RNF19A: variants seen among roughly 807,000 people sequenced by gnomAD.
The protein encoded by RNF19A is E3 ubiquitin-protein ligase RNF19A.
A neutral mutation model predicts 75.7 loss-of-function variants in RNF19A; 32 were observed. The observed-to-expected ratio is 0.42, with a 90% CI of 0.32 to 0.57. The LOEUF (loss-of-function observed/expected upper bound fraction) is 0.57, where lower values mean the gene tolerates loss of function less well. Ranked by LOEUF, RNF19A falls within the 20% of genes least tolerant of loss-of-function variation. The pLI, the probability that RNF19A is intolerant of heterozygous loss-of-function variation, is 0.10. For synonymous variants in RNF19A, 335 were observed against 345.2 expected, an observed-to-expected ratio of 0.97 and a Z score of 0.33; for missense variants, 782 against 1,036.3, an observed-to-expected ratio of 0.75 and a Z score of 3.37.
intron 7 of RNF19A, among the ~76,000 whole-genome samples, chr8:100,263,399 T>C (rs540326244): frequency 6.6e-6 from 1 of 152,296 alleles, no homozygotes; most frequent in East Asian, 1.9e-4. Context: ...GTGACTCTGC[T>C]TCAGTGAATA....
chr8:100,258,435 T>C lies in RNF19A; in HGVS notation c.*121A>G, dbSNP rs1409181687. The C allele has an allele frequency of 1.3e-6, 1 of 743,284 alleles. No homozygotes were observed. The highest frequency in any genetic ancestry group is 2.2e-6 in the Non-Finnish European group (1 of 452,476). The allele number at this position is 743,284 out of a possible 1,614,324, so 46.0% of individuals were successfully genotyped here. ...TGCCTTGCTGAACACAGAAAATGTA[T>C]CTGCATTATGATAATGAAACCCGGC... On this transcript the variant is annotated 3_prime_UTR_variant, in exon 10 of 10. Coordinates refer to ENST00000341084, the MANE Select transcript of RNF19A (RefSeq NM_183419.4). The surrounding 1 kb of genome is among the most constrained non-coding windows in gnomAD (Gnocchi z 4.3).
At chr8:100,272,577 G>A (rs1050773186) in intron 3 of RNF19A, among the ~76,000 whole-genome samples, 5 of 149,782 alleles carry the variant, frequency 3.3e-5, no homozygotes, top group South Asian at 2.1e-4. Context: ...TTGTTCTGTC[G>A]CTCAGGCTAG....
At chr8:100,285,876 G>C (rs1188948016) in intron 2 of RNF19A, among the ~76,000 whole-genome samples, 1 of 151,728 alleles carries the variant, frequency 6.6e-6, no homozygotes, top group Admixed American at 6.6e-5. Flanking sequence ...ATGAAGGATA[G>C]ACAGAAAAAT....
chr8:100,293,704 C>T (rs780106006), intron 1 of RNF19A, among the ~76,000 whole-genome samples: 1 of 152,204 alleles, frequency 6.6e-6, no homozygotes, highest in Non-Finnish European at 1.5e-5. Flanking sequence ...CTGTCTCTCT[C>T]TCTCTTCCCA....
At position 100,279,809 on chromosome 8, in the gene RNF19A, G is replaced by A. The variant is rs112849802; in HGVS notation, c.675-4648C>T. 2.4e-4 allele frequency among the ~76,000 whole-genome samples: 36 copies of A among 152,190 alleles called. 2 individuals carry two copies. The highest frequency in any genetic ancestry group is 8.4e-4 in the African/African-American group (35 of 41,518). On this transcript the variant is annotated intron_variant, in intron 2 of 9. Coordinates refer to ENST00000341084, the MANE Select transcript of RNF19A (RefSeq NM_183419.4). The stretch of plus-strand genomic sequence containing the variant: ...CCCAAAGTGCTGGAATTACAAGTGT[G>A]AGCCACCACACCCAGCCTCAATTTT...
Position 100,275,263 on chromosome 8 carries a change from T to C in RNF19A, c.675-102A>G. The stretch of plus-strand genomic sequence containing the variant: ...GATTATTCCTGAAAAACATTTTCTA[T>C]TTATACATTAGCAAACAGTCATAAG... On this transcript the variant is annotated intron_variant, in intron 2 of 9. Coordinates refer to ENST00000341084, the MANE Select transcript of RNF19A (RefSeq NM_183419.4). This position sits in a 1 kb window ranked among gnomAD's most constrained non-coding sequence, Gnocchi z 4.3. 3.1e-6 allele frequency: 3 copies of C among 961,542 alleles called. No individual in the cohort carries two copies. The South Asian group carries it at 4.7e-5, about 15-fold the overall frequency. 59.6% of individuals were successfully genotyped at this position (961,542 alleles called of 1,614,324 possible).
At chr8:100,299,035 G>C (rs1445726335) in intron 1 of RNF19A, among the ~76,000 whole-genome samples, 2 of 152,148 alleles carry the variant, frequency 1.3e-5, no homozygotes, top group Non-Finnish European at 2.9e-5. Flanking sequence ...GCTGAAGAGA[G>C]ACTAATTTGA....
intron 1 of RNF19A, among the ~76,000 whole-genome samples, chr8:100,300,269 A>G (rs1660346): frequency 0.32 from 49,214 of 152,160 alleles, 8,630 homozygotes; most frequent in East Asian, 0.41. Context: ...TTTTCTAAAG[A>G]CAGAAAAATC....
At chr8:100,270,588 T>A (rs1039096955) in intron 3 of RNF19A, among the ~76,000 whole-genome samples, 1 of 152,096 alleles carries the variant, frequency 6.6e-6, no homozygotes, top group African/African-American at 2.4e-5. Context: ...CTTTTCCCAG[T>A]ATTTTACTTC....
intron 1 of RNF19A, among the ~76,000 whole-genome samples, chr8:100,302,406 C>T (rs908259611): frequency 6.6e-6 from 1 of 152,162 alleles, no homozygotes; most frequent in Admixed American, 6.5e-5. Flanking sequence ...CTGCTATCAA[C>T]TGAAATGGGG....
chr8:100,257,763 A>G lies in RNF19A; in HGVS notation c.*793T>C, dbSNP rs1032326028. The G allele has an allele frequency of 5.6e-6, 2 of 360,060 alleles. No individual in the cohort carries two copies. The highest frequency in any genetic ancestry group is 9.9e-6 in the Non-Finnish European group (2 of 202,164). The allele number at this position is 360,060 out of a possible 1,614,324, so 22.3% of individuals were successfully genotyped here. A position where few individuals can be genotyped will look rare whatever the true frequency, so the allele number is the denominator to read the frequency against. On this transcript the variant is annotated 3_prime_UTR_variant, in exon 10 of 10. Coordinates refer to ENST00000341084, the MANE Select transcript of RNF19A (RefSeq NM_183419.4). ...CCAGTCGATCCCAAAGGCACCAAGA[A>G]TCAATGGGGTACAAACTTCCCCTTA...
In RNF19A at chr8:100,260,055, T is replaced by G; in HGVS notation, c.1683-58A>C. The G allele has an allele frequency of 6.9e-7, 1 of 1,439,292 alleles. No homozygotes were observed. The highest frequency in any genetic ancestry group is 9.7e-7 in the Non-Finnish European group (1 of 1,032,642). 89.2% of individuals were successfully genotyped at this position (1,439,292 alleles called of 1,614,324 possible). ...ATTTAATATCAGCACTACTGTAATA[T>G]GTATCTTTAAATAATTCAGTTAAGA... On this transcript the variant is annotated intron_variant, in intron 8 of 9. Transcript: ENST00000341084. This position sits in a 1 kb window ranked among gnomAD's most constrained non-coding sequence, Gnocchi z 4.1.
At chr8:100,313,604 T>C (rs1822332272), upstream of RNF19A, among the ~76,000 whole-genome samples, 1 of 152,120 alleles carries the variant, frequency 6.6e-6, no homozygotes, top group Non-Finnish European at 1.5e-5. Flanking sequence ...TCTAAATGAT[T>C]GGTATGAAGT....
chr8:100,259,308 G>C lies in RNF19A; in HGVS notation c.1827-62C>G. ...TGACTTCTTTTTGTTCAGATGACTG[G>C]GGGAAGGGTTTCTATGTGGAAAATT... On this transcript the variant is annotated intron_variant, in intron 9 of 9. Transcript: ENST00000341084. This position sits in a 1 kb window ranked among gnomAD's most constrained non-coding sequence, Gnocchi z 4.5. 1 of 1,368,804 alleles carries C rather than the reference G, an allele frequency of 7.3e-7. No individual in the cohort carries two copies. 84.8% of individuals were successfully genotyped at this position (1,368,804 alleles called of 1,614,324 possible).
At chr8:100,310,271 T>C (rs760889545), upstream of RNF19A, 35 of 983,142 alleles carry the variant, frequency 3.6e-5, no homozygotes, top group Non-Finnish European at 3.7e-5. Context: ...GCACGTTCGT[T>C]CCGCGCCCGC....
intron 2 of RNF19A, among the ~76,000 whole-genome samples, chr8:100,281,039 C>T (rs1331258635): frequency 1.3e-5 from 2 of 152,186 alleles, no homozygotes; most frequent in African/African-American, 4.8e-5. Flanking sequence ...ACATCTCTGA[C>T]TCAAACAGCC....
chr8:100,327,833 A>G (rs1189515829), intron 1 of RNF19A, among the ~76,000 whole-genome samples: 1 of 152,220 alleles, frequency 6.6e-6, no homozygotes, highest in East Asian at 1.9e-4. Flanking sequence ...TTGTTCTTCA[A>G]GGCACCATTT....
At chr8:100,310,067 C>T, upstream of RNF19A, 3 of 985,550 alleles carry the variant, frequency 3.0e-6, no homozygotes, top group Non-Finnish European at 3.6e-6. Flanking sequence ...TGTGGCTCGA[C>T]GGCTGCTCCC....
rs1172018791 is a variant in RNF19A, at chr8:100,330,219, C to G, written c.-243+5889G>C. Among the ~76,000 whole-genome samples, 1 of 152,204 alleles carries G rather than the reference C, an allele frequency of 6.6e-6. No individual in the cohort carries two copies. The highest frequency in any genetic ancestry group is 1.5e-5 in the Non-Finnish European group (1 of 68,036). On this transcript the variant is annotated intron_variant, in intron 1 of 3. Coordinates refer to the RNF19A transcript ENST00000519527. This position sits in a 1 kb window ranked among gnomAD's most constrained non-coding sequence, Gnocchi z 4.1. Reference sequence around the variant, plus strand: ...TTAACTTTTTCTCTCTCCAAAGCCTCTTTCTAATTTTTGTTAAGGAAGGGA... The same window carrying G: ...TTAACTTTTTCTCTCTCCAAAGCCTGTTTCTAATTTTTGTTAAGGAAGGGA...
Sources: allele counts gnomAD v4.1 joint callset (sites outside exome capture counted in the v4.1 genomes callset), GRCh38; gene constraint gnomAD v4.1.1; non-coding constraint Gnocchi (gnomAD v3.1); transcripts MANE v1.5; gene names NCBI Gene and HGNC (gene_info 2026-07-23, HGNC 2026-07-21).